The following TPGS2 variants were observed in gnomAD, a reference collection of about 807,000 sequenced individuals.
TPGS2 encodes tubulin polyglutamylase complex subunit 2, also known as polyglutamylase subunit 2.
TPGS2 carries 26 observed loss-of-function variants against 31.1 expected under a neutral mutation model. The ratio of observed to expected loss-of-function variants is 0.84; its 90% confidence interval spans 0.61 to 1.16. The LOEUF (loss-of-function observed/expected upper bound fraction) is 1.16, where lower values mean the gene tolerates loss of function less well. Among genes scored for constraint, TPGS2 ranks in the 50% most tolerant of loss-of-function variants. The pLI, the probability that TPGS2 is intolerant of heterozygous loss-of-function variation, is 0.00. For missense variants in TPGS2, 351 were observed against 363.8 expected, an observed-to-expected ratio of 0.96 and a Z score of 0.29; for synonymous variants, 130 against 136.6, an observed-to-expected ratio of 0.95 and a Z score of 0.34.
At chr18:36,785,493 C>G (rs551317336) in intron 6 of TPGS2, among the ~76,000 whole-genome samples, 1 of 152,176 alleles carries the variant, frequency 6.6e-6, no homozygotes, top group Non-Finnish European at 1.5e-5. Flanking sequence ...ATTTCCCACT[C>G]TGATTGGTGA....
Position 36,828,958 on chromosome 18 carries a change from C to A in TPGS2, c.-191G>T. ...TGGGGCGCCGGTTCCCGCGGCCCCGCCCGGTGCCCCACACCGCACCTCCGG... is the reference window on the plus strand; with the variant it reads ...TGGGGCGCCGGTTCCCGCGGCCCCGACCGGTGCCCCACACCGCACCTCCGG... On this transcript the variant is annotated 5_prime_UTR_variant, in exon 1 of 7. Transcript: ENST00000334295. 1.0e-6 allele frequency: 1 copy of A among 999,108 alleles called. No homozygotes were observed. Among genetic ancestry groups the A allele is most frequent in the Non-Finnish European group, 1.4e-6 (1 of 712,236 alleles). 61.9% of individuals were successfully genotyped at this position (999,108 alleles called of 1,614,324 possible). A position where few individuals can be genotyped will look rare whatever the true frequency, so the allele number is the denominator to read the frequency against.
At chr18:36,815,500 G>T (rs1300149472) in intron 2 of TPGS2, among the ~76,000 whole-genome samples, 1 of 151,988 alleles carries the variant, frequency 6.6e-6, no homozygotes, top group African/African-American at 2.4e-5. Context: ...GGAGTCCACG[G>T]ACAACTTCCC....
chr18:36,821,923 C>T (rs892410060), intron 1 of TPGS2, among the ~76,000 whole-genome samples: 3 of 152,204 alleles, frequency 2.0e-5, no homozygotes, highest in African/African-American at 7.2e-5. Context: ...CAGTTAGACT[C>T]CCTCTGGTGA....
intron 1 of TPGS2, among the ~76,000 whole-genome samples, chr18:36,827,356 G>C (rs561583889): frequency 6.6e-6 from 1 of 152,194 alleles, no homozygotes; most frequent in Non-Finnish European, 1.5e-5. Flanking sequence ...GCGGTTATTC[G>C]AACTATATTC....
In TPGS2 at chr18:36,798,627, G is replaced by A. The variant is rs2044649235; in HGVS notation, c.497-18C>T. 6.2e-7 allele frequency: 1 copy of A among 1,607,598 alleles called. No individual in the cohort carries two copies. The highest frequency in any genetic ancestry group is 1.3e-5 in the African/African-American group (1 of 74,706). ...TGCTAATGCTGAAGTAGAAGACAAAGGAAGTAAAAGATAAAGAATAGCTTA... is the reference window on the plus strand; with the variant it reads ...TGCTAATGCTGAAGTAGAAGACAAAAGAAGTAAAAGATAAAGAATAGCTTA... On this transcript the variant is annotated intron_variant, in intron 5 of 6. Transcript: ENST00000334295.
intron 2 of TPGS2, among the ~76,000 whole-genome samples, chr18:36,809,299 C>T (rs1266659995): frequency 1.3e-5 from 2 of 152,180 alleles, no homozygotes; most frequent in South Asian, 2.1e-4. Flanking sequence ...TTCACAGCCA[C>T]AGCATCTTCA....
chr18:36,798,184 A>ATAAAC (rs2044626027), intron 6 of TPGS2: 4 of 1,299,630 alleles, frequency 3.1e-6, no homozygotes, highest in East Asian at 6.4e-5. Context: ...GTCATGGGAC[A>ATAAAC]TAAACTATCC....
At chr18:36,791,562 T>C (rs111417116), downstream of TPGS2, among the ~76,000 whole-genome samples, 202 of 152,184 alleles carry the variant, frequency 1.3e-3, no homozygotes, top group African/African-American at 4.7e-3. Context: ...AGATAGGTAA[T>C]ATAGAAAGTC....
chr18:36,823,500 G>A (rs929261389), intron 1 of TPGS2, among the ~76,000 whole-genome samples: 1 of 123,986 alleles, frequency 8.1e-6, no homozygotes, highest in African/African-American at 3.3e-5. Flanking sequence ...TCGCTCTGTC[G>A]CCCAGGCTGG....
At chr18:36,816,130 G>GA (rs1002278240) in intron 2 of TPGS2, among the ~76,000 whole-genome samples, 2 of 152,204 alleles carry the variant, frequency 1.3e-5, no homozygotes, top group Non-Finnish European at 2.9e-5. Context: ...TATGTCTGAA[G>GA]AAAATGTTCC....
chr18:36,803,744 T>C lies in TPGS2; in HGVS notation c.382+1630A>G, dbSNP rs547124116. On this transcript the variant is annotated intron_variant, in intron 4 of 6. Coordinates refer to ENST00000334295, the MANE Select transcript of TPGS2 (RefSeq NM_015476.4). ...CTAACTCAGGTCTCAATAAAATACA[T>C]ATACTCCTCTTCAATTCATGTAGTC... is the stretch of plus-strand genomic sequence containing the variant. Among the ~76,000 whole-genome samples the C allele has an allele frequency of 2.0e-5, 3 of 152,356 alleles. No individual in the cohort carries two copies. In the East Asian group the frequency reaches 5.8e-4, roughly 29 times the overall value.
At chr18:36,806,451 T>C (rs940934618) in intron 3 of TPGS2, among the ~76,000 whole-genome samples, 2 of 152,160 alleles carry the variant, frequency 1.3e-5, no homozygotes, top group Non-Finnish European at 2.9e-5. Flanking sequence ...GCCACGGCCA[T>C]GCTATAAAAG....
Position 36,824,123 on chromosome 18 carries a change from T to C in TPGS2, c.85+4560A>G, listed in dbSNP as rs921015037. 5.3e-5 allele frequency among the ~76,000 whole-genome samples: 8 copies of C among 152,228 alleles called. 1 individual carries two copies. Among genetic ancestry groups the C allele is most frequent in the Non-Finnish European group, 7.3e-5 (5 of 68,044 alleles). On this transcript the variant is annotated intron_variant, in intron 1 of 6. Coordinates refer to ENST00000334295, the MANE Select transcript of TPGS2 (RefSeq NM_015476.4). ...TTCTGGACATTTCATATAAATGGAA[T>C]CATACATGTGGCTTTTGCAACTGGC...
downstream of TPGS2, chr18:36,789,286 T>C (rs559164029): frequency 2.0e-5 from 3 of 152,330 alleles, no homozygotes; most frequent in Admixed American, 6.5e-5. Context: ...ACCAGAATTA[T>C]TCTGAAAATT....
chr18:36,816,651 C>G (rs2045667805), intron 2 of TPGS2, among the ~76,000 whole-genome samples: 1 of 152,170 alleles, frequency 6.6e-6, no homozygotes, highest in Non-Finnish European at 1.5e-5. Flanking sequence ...CTCTGTTGCC[C>G]AGGCTGGAGT....
intron 5 of TPGS2, among the ~76,000 whole-genome samples, chr18:36,799,497 C>T (rs1449964731): frequency 6.6e-6 from 1 of 152,154 alleles, no homozygotes; most frequent in East Asian, 1.9e-4. Flanking sequence ...CTTGGATGCT[C>T]CCTTGTCTCT....
In TPGS2 at chr18:36,795,076, GA is replaced by G; in HGVS notation, c.*1728del. On this transcript the variant is annotated 3_prime_UTR_variant, in exon 7 of 7. Transcript: ENST00000334295. ...GAAGCAGCCAGTTAGAGCTTGCCCT[GA>G]TCCTTGAAGGCTAACTCTTCACCTT... The G allele has an allele frequency of 1.0e-6, 1 of 985,432 alleles. No individual in the cohort carries two copies. Among genetic ancestry groups the G allele is most frequent in the Non-Finnish European group, 1.2e-6 (1 of 829,940 alleles). The allele number at this position is 985,432 out of a possible 1,614,324, so 61.0% of individuals were successfully genotyped here. A position where few individuals can be genotyped will look rare whatever the true frequency, so the allele number is the denominator to read the frequency against.
intron 1 of TPGS2, among the ~76,000 whole-genome samples, chr18:36,824,568 G>A (rs1465286365): frequency 6.6e-6 from 1 of 152,164 alleles, no homozygotes; most frequent in Non-Finnish European, 1.5e-5. Context: ...CCATCCTAGT[G>A]GGTGTGAAGT....
chr18:36,791,524 A>G (rs1252811677), downstream of TPGS2, among the ~76,000 whole-genome samples: 1 of 152,156 alleles, frequency 6.6e-6, no homozygotes, highest in East Asian at 1.9e-4. Flanking sequence ...AGTTTTGGAG[A>G]GAGAGAGTGG....
Sources: gnomAD v4.1 joint callset for allele counts (sites outside exome capture counted in the v4.1 genomes callset) on GRCh38, gnomAD v4.1.1 for gene constraint, MANE v1.5 for transcripts, NCBI Gene and HGNC (gene_info 2026-07-23, HGNC 2026-07-21) for gene names.